The following KYAT1 variants were observed in gnomAD, a reference collection of about 807,000 sequenced individuals.
The protein encoded by KYAT1 is kynurenine aminotransferase 1.
A neutral mutation model predicts 52.4 loss-of-function variants in KYAT1; 47 were observed. The observed-to-expected ratio is 0.90, with a 90% CI of 0.71 to 1.14. KYAT1 has a LOEUF of 1.14. Ranked by LOEUF, KYAT1 falls within the 50% of genes most tolerant of loss-of-function variation. The probability of loss-of-function intolerance (pLI) is 0.00; values close to 1 mark genes in which losing one functional copy is unlikely to be tolerated. For synonymous variants in KYAT1, 212 were observed against 209.6 expected (o/e 1.01, Z -0.10); for missense variants, 480 against 557.9 (o/e 0.86, Z 1.41).
At position 128,865,359 on chromosome 9, in the gene KYAT1, A is replaced by ATTTT. The variant is rs776787253; in HGVS notation, c.-7+16534_-7+16537dup. On this transcript the variant is annotated intron_variant, in intron 1 of 12. Transcript: ENST00000302586. ...TATATATATATATATATATATATATATTTTTTTTTTTTTTTTTTTTGAGAC... is the reference window on the plus strand; with the variant it reads ...TATATATATATATATATATATATATATTTTTTTTTTTTTTTTTTTTTTTTGAGAC... 2.0e-3 allele frequency among the ~76,000 whole-genome samples: 55 copies of ATTTT among 27,298 alleles called. 1 individual carries two copies. Among genetic ancestry groups the ATTTT allele is most frequent in the African/African-American group, 2.4e-3 (7 of 2,956 alleles). The allele number at this position is 27,298 out of a possible 152,430, so 17.9% of individuals were successfully genotyped here. A position where few individuals can be genotyped will look rare whatever the true frequency, so the allele number is the denominator to read the frequency against.
chr9:128,880,753 A>G (rs1838731298), intron 1 of KYAT1, among the ~76,000 whole-genome samples: 2 of 151,890 alleles, frequency 1.3e-5, no homozygotes, highest in Admixed American at 6.6e-5. Context: ...TGGCTATGAT[A>G]TTGCTAAGTT....
chr9:128,843,054 C>G (rs1464560348), intron 2 of KYAT1, among the ~76,000 whole-genome samples: 2 of 152,182 alleles, frequency 1.3e-5, no homozygotes, highest in African/African-American at 4.8e-5. Flanking sequence ...GTAATCCCAG[C>G]TACTTGGAAG....
intron 1 of KYAT1, chr9:128,846,897 C>A: frequency 1.3e-6 from 2 of 1,513,614 alleles, no homozygotes; most frequent in South Asian, 2.4e-5. Flanking sequence ...GGATTTTGCT[C>A]AGTTCCACCT....
chr9:128,842,190 C>T, intron 3 of KYAT1: 1 of 236,560 alleles, frequency 4.2e-6, no homozygotes, highest in Non-Finnish European at 8.8e-6. Flanking sequence ...GAGACCTTGT[C>T]TCAAAAAAGA....
chr9:128,865,473 G>A (rs531739811), intron 1 of KYAT1, among the ~76,000 whole-genome samples: 155 of 145,354 alleles, frequency 1.1e-3, no homozygotes, highest in African/African-American at 3.4e-3. Flanking sequence ...AGCGATTCTC[G>A]TGCCTCAGCC....
intron 1 of KYAT1, among the ~76,000 whole-genome samples, chr9:128,867,873 C>T (rs550896788): frequency 2.6e-5 from 4 of 152,186 alleles, no homozygotes; most frequent in African/African-American, 9.6e-5. Context: ...CCCGGGTTCA[C>T]GCCATTCTCC....
chr9:128,869,800 C>G (rs1443500622), intron 1 of KYAT1, among the ~76,000 whole-genome samples: 1 of 151,208 alleles, frequency 6.6e-6, no homozygotes, highest in Non-Finnish European at 1.5e-5. Flanking sequence ...GTTGCCCAGG[C>G]TAGAGTGCAG....
rs775932139 is a variant in KYAT1, at chr9:128,837,780, T to C, written c.472A>G (p.Ser158Gly). Residue 158 changes from serine to glycine, a missense_variant, in exon 6 of 13, where the codon AGC (serine) becomes GGC (glycine). By Grantham distance (56) the Ser-to-Gly change is moderately conservative. Coordinates refer to ENST00000302586, the MANE Select transcript of KYAT1 (RefSeq NM_004059.5). ...PIQNGELGSS[S>G]NWQLDPMELA... ...TCCATGGGGTCCAGCTGCCAGTTGC[T>C]GCTGGAACCCAGTTCTCCATTCTGG... The C allele has an allele frequency of 6.2e-6, 10 of 1,613,902 alleles. No individual in the cohort carries two copies. The South Asian group carries it at 1.1e-4, about 18-fold the overall frequency.
chr9:128,846,980 T>TCTTCAAGCCTCAG, intron 1 of KYAT1: 1 of 912,042 alleles, frequency 1.1e-6, no homozygotes, highest in Non-Finnish European at 1.6e-6. Context: ...ACACTGAGGC[T>TCTTCAAGCCTCAG]TGAAGAGGCT....
intron 1 of KYAT1, among the ~76,000 whole-genome samples, chr9:128,853,451 A>C (rs1200608630): frequency 6.6e-6 from 1 of 152,182 alleles, no homozygotes; most frequent in African/African-American, 2.4e-5. Flanking sequence ...TTTCAGTGTT[A>C]CAAGGTTTTA....
chr9:128,865,359 A>ATTTTTT (rs776787253), intron 1 of KYAT1, among the ~76,000 whole-genome samples: 21 of 27,308 alleles, frequency 7.7e-4, no homozygotes, highest in East Asian at 3.0e-3. Flanking sequence ...ATATATATAT[A>ATTTTTT]TTTTTTTTTT....
chr9:128,861,710 T>C (rs1327027721), intron 1 of KYAT1, among the ~76,000 whole-genome samples: 1 of 152,184 alleles, frequency 6.6e-6, no homozygotes, highest in Non-Finnish European at 1.5e-5. Context: ...TTCCTTGGTG[T>C]CACCTCAAGG....
chr9:128,835,748 C>A (rs368898642), intron 9 of KYAT1, 31 bp downstream of exon 9: 4 of 1,605,574 alleles, frequency 2.5e-6, no homozygotes. Flanking sequence ...GTTGTCCCCC[C>A]ACTCCCCCGT....
intron 1 of KYAT1, among the ~76,000 whole-genome samples, chr9:128,879,675 C>T (rs545552502): frequency 1.3e-5 from 2 of 152,308 alleles, no homozygotes; most frequent in East Asian, 1.9e-4. Context: ...GAGTCTCCAG[C>T]CTCATCATTT....
chr9:128,879,537 G>A (rs373007940), intron 1 of KYAT1, among the ~76,000 whole-genome samples: 4 of 152,146 alleles, frequency 2.6e-5, no homozygotes, highest in Non-Finnish European at 5.9e-5. Context: ...GGCATTCTCC[G>A]GGAGGAAAGA....
rs781159060 is a variant in KYAT1, at chr9:128,836,884, A to C, written c.606T>G (p.Leu202=). Residue 202 remains leucine, a synonymous_variant, in exon 7 of 13, where the codon CTT becomes CTG. Transcript: ENST00000302586. The part of the protein sequence containing the change: ...SREELELVAS[L]CQQHDVVCIT... ...TACACACCACGTCATGCTGCTGGCAAAGGCTGGCCACCAGCTCCAGCTCTT... is the reference window on the plus strand; with the variant it reads ...TACACACCACGTCATGCTGCTGGCACAGGCTGGCCACCAGCTCCAGCTCTT... 7 of 1,613,722 alleles carry C rather than the reference A, an allele frequency of 4.3e-6. No homozygotes were observed. The highest frequency in any genetic ancestry group is 5.1e-6 in the Non-Finnish European group (6 of 1,179,990).
At chr9:128,849,207 T>C (rs957182874) in intron 1 of KYAT1, among the ~76,000 whole-genome samples, 3 of 147,900 alleles carry the variant, frequency 2.0e-5, no homozygotes, top group Non-Finnish European at 3.0e-5. Flanking sequence ...AGGTCAGGAG[T>C]TCGATACCAG....
At chr9:128,844,842 C>T (rs1418250819) in intron 2 of KYAT1, among the ~76,000 whole-genome samples, 4 of 152,066 alleles carry the variant, frequency 2.6e-5, no homozygotes, top group Admixed American at 1.3e-4. Flanking sequence ...CCAGCCTGGG[C>T]GACAAGGGCA....
At chr9:128,868,461 G>A (rs918261682) in intron 1 of KYAT1, among the ~76,000 whole-genome samples, 2 of 152,162 alleles carry the variant, frequency 1.3e-5, no homozygotes, top group East Asian at 3.9e-4. Context: ...GTGCAATCAC[G>A]GTTCACTGTA....
Sources: gnomAD v4.1 joint callset for allele counts (sites outside exome capture counted in the v4.1 genomes callset) on GRCh38, gnomAD v4.1.1 for gene constraint, MANE v1.5 for transcripts, NCBI Gene and HGNC (gene_info 2026-07-23, HGNC 2026-07-21) for gene names.